Variants in PEX5 observed in about 807,000 individuals in gnomAD.
PEX5 encodes the protein PTS1 receptor.
Under a neutral mutation model 82.9 loss-of-function variants are expected in PEX5, and 52 were observed. That is an observed-to-expected ratio of 0.63 (90% CI 0.50 to 0.79). The LOEUF is 0.79. Ranked by LOEUF, PEX5 falls within the 30% of genes least tolerant of loss-of-function variation. The pLI is 0.00. For missense variants in PEX5, 719 were observed against 815.2 expected (o/e 0.88, Z 1.44); for synonymous variants, 300 against 318.8 (o/e 0.94, Z 0.63).
At chr12:7,197,858 A>C (rs1043578970) in intron 5 of PEX5, among the ~76,000 whole-genome samples, 3 of 152,168 alleles carry the variant, frequency 2.0e-5, no homozygotes, top group Admixed American at 6.5e-5. Flanking sequence ...GGTTCTCAAC[A>C]AGAGAGTGGA....
chr12:7,200,255 C>T (rs779669119), intron 6 of PEX5, among the ~76,000 whole-genome samples: 38 of 141,042 alleles, frequency 2.7e-4, no homozygotes, highest in South Asian at 1.1e-3. Flanking sequence ...CCAGACGGGG[C>T]GGCGGGGCAG....
At chr12:7,213,812 T>A (rs1165369295), downstream of PEX5, among the ~76,000 whole-genome samples, 1 of 150,376 alleles carries the variant, frequency 6.6e-6, no homozygotes, top group Admixed American at 6.6e-5. Context: ...GGAGAAAATT[T>A]TCGCAACCTA....
intron 6 of PEX5, among the ~76,000 whole-genome samples, chr12:7,200,645 C>T (rs1397107334): frequency 3.9e-5 from 6 of 152,254 alleles, no homozygotes; most frequent in East Asian, 1.9e-4. Context: ...CCCGGCACCT[C>T]GGGAGGCCGA....
intron 5 of PEX5, among the ~76,000 whole-genome samples, chr12:7,192,218 C>G (rs1941277333): frequency 6.6e-6 from 1 of 152,212 alleles, no homozygotes; most frequent in African/African-American, 2.4e-5. Context: ...TATCTACTTA[C>G]TCTCCATGAG....
At chr12:7,201,011 G>C (rs777431298) in intron 6 of PEX5, among the ~76,000 whole-genome samples, 1 of 152,264 alleles carries the variant, frequency 6.6e-6, no homozygotes, top group Admixed American at 6.5e-5. Flanking sequence ...GGACACAGTG[G>C]TTGTGTGCCT....
At chr12:7,193,580 G>A (rs1256042798) in intron 5 of PEX5, among the ~76,000 whole-genome samples, 2 of 152,106 alleles carry the variant, frequency 1.3e-5, no homozygotes, top group Non-Finnish European at 2.9e-5. Flanking sequence ...CTGAACCATA[G>A]CAAAGACCCT....
At position 7,198,430 on chromosome 12, in the gene PEX5, A is replaced by G. The variant is rs770523826; in HGVS notation, c.449-581A>G. ...CATATTTGTATATTACATTTCAATT[A>G]AAAAATGAAAAAACCCACCAAACAT... On this transcript the variant is annotated intron_variant, in intron 5 of 15. Transcript: ENST00000675855. 7.2e-5 allele frequency among the ~76,000 whole-genome samples: 11 copies of G among 152,314 alleles called. No homozygotes were observed. The East Asian group carries it at 1.7e-3, about 24-fold the overall frequency.
rs1440868459 is a variant in PEX5, at chr12:7,210,632, C to G, written c.*409C>G. On this transcript the variant is annotated 3_prime_UTR_variant, in exon 16 of 16. Coordinates refer to ENST00000675855, the MANE Select transcript of PEX5 (RefSeq NM_001351132.2). Reference sequence around the variant, plus strand: ...GAATTGATAGTCCAGCTTCCTTGGGCAGTGTAAGTAGGAGGTTCATCTGCT... The same window carrying G: ...GAATTGATAGTCCAGCTTCCTTGGGGAGTGTAAGTAGGAGGTTCATCTGCT... 8.9e-6 allele frequency: 3 copies of G among 337,186 alleles called. No homozygotes were observed. The highest frequency in any genetic ancestry group is 1.2e-5 in the Non-Finnish European group (2 of 173,640). 20.9% of individuals were successfully genotyped at this position (337,186 alleles called of 1,614,324 possible).
At chr12:7,217,770 C>G (rs1375276353) in intron 17 of PEX5, among the ~76,000 whole-genome samples, 1 of 152,218 alleles carries the variant, frequency 6.6e-6, no homozygotes, top group South Asian at 2.1e-4. Context: ...TACACCCAAG[C>G]TGGAAATGAC....
At chr12:7,192,072 C>CT (rs984592392) in intron 5 of PEX5, among the ~76,000 whole-genome samples, 6 of 152,160 alleles carry the variant, frequency 3.9e-5, no homozygotes, top group African/African-American at 7.2e-5. Flanking sequence ...GAATTGGGGC[C>CT]TTCAGAGTGT....
At chr12:7,201,919 T>G in intron 7 of PEX5, 78 bp downstream of exon 7, 1 of 1,054,388 alleles carries the variant, frequency 9.5e-7, no homozygotes, top group Non-Finnish European at 1.5e-6. Context: ...TTACCCCAGT[T>G]TAGTTTAAAG....
intron 6 of PEX5, among the ~76,000 whole-genome samples, chr12:7,201,093 G>C (rs1943844425): frequency 6.6e-6 from 1 of 152,008 alleles, no homozygotes; most frequent in Non-Finnish European, 1.5e-5. Context: ...AACACAGTAA[G>C]ACCTTGTCTT....
Position 7,210,286 on chromosome 12 carries a change from C to T in PEX5, c.*63C>T. 3.3e-6 allele frequency: 5 copies of T among 1,526,560 alleles called. No individual in the cohort carries two copies. Among genetic ancestry groups the T allele is most frequent in the Non-Finnish European group, 3.6e-6 (4 of 1,104,674 alleles). 94.6% of individuals were successfully genotyped at this position (1,526,560 alleles called of 1,614,324 possible). A position where few individuals can be genotyped will look rare whatever the true frequency, so the allele number is the denominator to read the frequency against. On this transcript the variant is annotated 3_prime_UTR_variant, in exon 16 of 16. Transcript: ENST00000675855. ...GGATCCCCGCTTTGGATGTGATTCC[C>T]TCTCCCCAAATGGGCCTACCAAGGG...
chr12:7,209,219 G>A (rs1945216579), intron 14 of PEX5, 49 bp downstream of exon 14: 1 of 1,586,078 alleles, frequency 6.3e-7, no homozygotes, highest in South Asian at 1.1e-5. Flanking sequence ...GTACCTTATT[G>A]AAGAGCCATT....
chr12:7,212,290 A>G (rs1945630413), downstream of PEX5, among the ~76,000 whole-genome samples: 1 of 151,930 alleles, frequency 6.6e-6, no homozygotes, highest in Admixed American at 6.6e-5. Context: ...TTTTAAATTT[A>G]TTTAAAAAGT....
Position 7,210,571 on chromosome 12 carries a change from A to C in PEX5, c.*348A>C, listed in dbSNP as rs1295896237. ...TGCCATTTCTGATAGGGTCTACCAC[A>C]TCTGTAATGTCTGTCCTTTCCCCCA... is the stretch of plus-strand genomic sequence containing the variant. On this transcript the variant is annotated 3_prime_UTR_variant, in exon 16 of 16. Coordinates refer to ENST00000675855, the MANE Select transcript of PEX5 (RefSeq NM_001351132.2). 1 of 407,572 alleles carries C rather than the reference A, an allele frequency of 2.5e-6. No individual in the cohort carries two copies. Among genetic ancestry groups the C allele is most frequent in the African/African-American group, 2.0e-5 (1 of 48,944 alleles). 25.2% of individuals were successfully genotyped at this position (407,572 alleles called of 1,614,324 possible). A position where few individuals can be genotyped will look rare whatever the true frequency, so the allele number is the denominator to read the frequency against.
At chr12:7,196,588 T>A (rs1260075422) in intron 5 of PEX5, among the ~76,000 whole-genome samples, 9 of 9,810 alleles carry the variant, frequency 9.2e-4, no homozygotes, top group Admixed American at 2.0e-3. Flanking sequence ...ATTATATATG[T>A]CACATAATGT....
At chr12:7,200,099 G>A (rs1943561216) in intron 6 of PEX5, among the ~76,000 whole-genome samples, 1 of 148,576 alleles carries the variant, frequency 6.7e-6, no homozygotes, top group Non-Finnish European at 1.5e-5. Flanking sequence ...CGGACGGGGT[G>A]GCTGCCGGGC....
In PEX5 at chr12:7,209,077, T is replaced by C; in HGVS notation, c.1467T>C (p.Asp489=). 2 of 1,614,106 alleles carry C rather than the reference T, an allele frequency of 1.2e-6. No individual in the cohort carries two copies. Among genetic ancestry groups the C allele is most frequent in the Non-Finnish European group, 1.7e-6 (2 of 1,179,952 alleles). The change falls in exon 14 of 16, where the codon GAT becomes GAC. Residue 489 remains aspartate (D), a synonymous_variant. Transcript: ENST00000675855. ...TGGACCCTACCTCCATTGACCCTGA[T>C]GTGCAGTGTGGCTTGGGAGTCCTTT... ...VRLDPTSIDP[D]VQCGLGVLFN... is the part of the protein sequence containing the mutation.
Sources: gnomAD v4.1 joint callset for allele counts (sites outside exome capture counted in the v4.1 genomes callset) on GRCh38, gnomAD v4.1.1 for gene constraint, MANE v1.5 for transcripts, NCBI Gene and HGNC (gene_info 2026-07-23, HGNC 2026-07-21) for gene names.